The following ICE1 variants were observed in gnomAD, a reference collection of about 807,000 sequenced individuals.
ICE1 encodes the protein little elongation complex subunit 1.
A neutral mutation model predicts 192.7 loss-of-function variants in ICE1; 64 were observed. The observed-to-expected ratio is 0.33, with a 90% CI of 0.27 to 0.41. The LOEUF is 0.41. ICE1 is among the 10% of genes least tolerant of loss of function. The probability of loss-of-function intolerance (pLI) is 1.00; values close to 1 mark genes in which losing one functional copy is unlikely to be tolerated. For missense variants in ICE1, 2,708 were observed against 2,696.0 expected, an observed-to-expected ratio of 1.00 and a Z score of -0.10; for synonymous variants, 1,010 against 984.5, an observed-to-expected ratio of 1.03 and a Z score of -0.49.
intron 15 of ICE1, 48 bp from the exon 16 acceptor site, chr5:5,473,510 A>T (rs371208824): frequency 5.3e-6 from 8 of 1,502,740 alleles, no homozygotes; most frequent in Non-Finnish European, 7.2e-6. Flanking sequence ...GGTAAGATGC[A>T]TTCTATTTGA....
At chr5:5,447,563 T>G in intron 8 of ICE1, 54 bp downstream of exon 8, 2 of 1,429,742 alleles carry the variant, frequency 1.4e-6, no homozygotes, top group Non-Finnish European at 9.6e-7. Context: ...CCAGGGTCTC[T>G]GTAGTGTCTC....
chr5:5,440,017 A>T (rs1414993592), intron 4 of ICE1, 104 bp downstream of exon 4: 1 of 642,344 alleles, frequency 1.6e-6, no homozygotes, highest in African/African-American at 1.9e-5. Flanking sequence ...AGCAAAATGT[A>T]CATAGGATTA....
intron 10 of ICE1, among the ~76,000 whole-genome samples, chr5:5,450,394 C>T (rs540217578): frequency 6.6e-6 from 1 of 152,234 alleles, no homozygotes; most frequent in African/African-American, 2.4e-5. Flanking sequence ...AAGGGACAAA[C>T]AAATTAAAGA....
chr5:5,433,301 G>A (rs1057449185), intron 1 of ICE1, among the ~76,000 whole-genome samples: 3 of 152,126 alleles, frequency 2.0e-5, no homozygotes, highest in Admixed American at 1.3e-4. Flanking sequence ...TGGGGATTGG[G>A]ATTAAATGCT....
intron 4 of ICE1, among the ~76,000 whole-genome samples, chr5:5,440,144 A>C (rs1737996480): frequency 6.6e-6 from 1 of 152,208 alleles, no homozygotes; most frequent in African/African-American, 2.4e-5. Context: ...TGGGTGTTTC[A>C]CTTTTGAGTA....
In ICE1 at chr5:5,489,020, T is replaced by C. The variant is rs754195719; in HGVS notation, c.6620-129T>C. On this transcript the variant is annotated intron_variant, in intron 18 of 18. Transcript: ENST00000296564. ...AATGAATTTTTTTACTGTGGGTTTT[T>C]TTATATTTAATTTTCATTGCTGGCA... 3.2e-4 allele frequency: 256 copies of C among 802,072 alleles called. 1 individual carries two copies. Among genetic ancestry groups the C allele is most frequent in the Admixed American group, 7.3e-4 (24 of 32,810 alleles). 49.7% of individuals were successfully genotyped at this position (802,072 alleles called of 1,614,324 possible).
Position 5,443,123 on chromosome 5 carries a change from G to T in ICE1, c.310-45G>T, listed in dbSNP as rs374374657. 155 of 1,129,540 alleles carry T rather than the reference G, an allele frequency of 1.4e-4. 1 individual carries two copies. In the East Asian group the frequency reaches 1.5e-3, roughly 11 times the overall value. The allele number at this position is 1,129,540 out of a possible 1,614,324, so 70.0% of individuals were successfully genotyped here. A position where few individuals can be genotyped will look rare whatever the true frequency, so the allele number is the denominator to read the frequency against. On this transcript the variant is annotated intron_variant, in intron 5 of 18. Coordinates refer to ENST00000296564, the MANE Select transcript of ICE1 (RefSeq NM_015325.3). ...CAAAGCAAGTTATGACCAATGGTCA[G>T]TGACTTTCATTTTGACAATATCTGT...
chr5:5,440,347 T>C (rs1349362556), intron 4 of ICE1, among the ~76,000 whole-genome samples: 1 of 152,216 alleles, frequency 6.6e-6, no homozygotes, highest in Non-Finnish European at 1.5e-5. Flanking sequence ...GAAACGTGGT[T>C]ATAAACTAAG....
intron 17 of ICE1, among the ~76,000 whole-genome samples, chr5:5,485,782 G>A (rs577851899): frequency 6.6e-6 from 1 of 152,284 alleles, no homozygotes; most frequent in Admixed American, 6.5e-5. Flanking sequence ...TCTCATCACA[G>A]AAAAGTCTTA....
chr5:5,450,915 A>G (rs945613165), intron 10 of ICE1, among the ~76,000 whole-genome samples: 2 of 152,166 alleles, frequency 1.3e-5, no homozygotes, highest in Non-Finnish European at 2.9e-5. Context: ...TTTTAGAAAG[A>G]GAGAGCAAAA....
chr5:5,423,067 G>A lies in ICE1; in HGVS notation c.84+68G>A, dbSNP rs181322630. ...CTCGGCCGGCCGGGAGCGCAGGGATGTGGGGTCCGGCCGCGCGGGCTGTGC... is the reference window on the plus strand; with the variant it reads ...CTCGGCCGGCCGGGAGCGCAGGGATATGGGGTCCGGCCGCGCGGGCTGTGC... On this transcript the variant is annotated intron_variant, in intron 1 of 18. Transcript: ENST00000296564. 1.3e-4 allele frequency: 145 copies of A among 1,107,326 alleles called. No individual in the cohort carries two copies. The East Asian group carries it at 3.5e-3, about 27-fold the overall frequency. The allele number at this position is 1,107,326 out of a possible 1,614,324, so 68.6% of individuals were successfully genotyped here. A position where few individuals can be genotyped will look rare whatever the true frequency, so the allele number is the denominator to read the frequency against.
intron 6 of ICE1, among the ~76,000 whole-genome samples, chr5:5,443,967 CT>C (rs1738125932): frequency 6.6e-6 from 1 of 152,174 alleles, no homozygotes; most frequent in Admixed American, 6.5e-5. Context: ...AGACTCTGGA[CT>C]GACTCTTAGA....
At chr5:5,449,451 T>A (rs1738350052) in intron 10 of ICE1, among the ~76,000 whole-genome samples, 1 of 150,352 alleles carries the variant, frequency 6.7e-6, no homozygotes. Flanking sequence ...CCAACAAAAA[T>A]TTTCGACCGG....
At chr5:5,448,178 AT>A (rs796217729) in intron 10 of ICE1, among the ~76,000 whole-genome samples, 1 of 152,120 alleles carries the variant, frequency 6.6e-6, no homozygotes, top group African/African-American at 2.4e-5. Flanking sequence ...ATGAATACAG[AT>A]TTTTTTCTCT....
At chr5:5,431,567 G>C (rs1249582350) in intron 1 of ICE1, among the ~76,000 whole-genome samples, 1 of 152,156 alleles carries the variant, frequency 6.6e-6, no homozygotes, top group African/African-American at 2.4e-5. Flanking sequence ...GGAATTACTT[G>C]CCCTTTGCCA....
intron 16 of ICE1, among the ~76,000 whole-genome samples, chr5:5,474,612 G>A (rs1739261165): frequency 6.6e-6 from 1 of 152,210 alleles, no homozygotes. Flanking sequence ...TCTGGCACTA[G>A]CTTTGTACCA....
At chr5:5,423,065 A>T (rs1737364857) in intron 1 of ICE1, 66 bp downstream of exon 1, 2 of 1,139,540 alleles carry the variant, frequency 1.8e-6, no homozygotes, top group South Asian at 5.4e-5. Flanking sequence ...GAGCGCAGGG[A>T]TGTGGGGTCC....
intron 17 of ICE1, among the ~76,000 whole-genome samples, chr5:5,480,538 C>T (rs541549810): frequency 7.2e-5 from 11 of 152,212 alleles, no homozygotes; most frequent in East Asian, 1.9e-4. Context: ...GGAGCCACCG[C>T]GCCCAGCCGG....
chr5:5,447,632 G>A (rs1738273109), intron 8 of ICE1, 89 bp from the exon 9 acceptor site: 4 of 1,388,458 alleles, frequency 2.9e-6, no homozygotes, highest in Non-Finnish European at 4.0e-6. Context: ...AGTCCCAGCT[G>A]CCTGTTAAGT....
Sources: allele counts gnomAD v4.1 joint callset (sites outside exome capture counted in the v4.1 genomes callset), GRCh38; gene constraint gnomAD v4.1.1; transcripts MANE v1.5; gene names NCBI Gene and HGNC (gene_info 2026-07-23, HGNC 2026-07-21).